FIGN: variants seen among roughly 807,000 people sequenced by gnomAD.
FIGN encodes fidgetin, microtubule severing factor, also known as fidgetin.
In FIGN, 11 loss-of-function variants were observed where a neutral mutation model predicts 51.3. That is an observed-to-expected ratio of 0.21 (90% CI 0.13 to 0.35). The LOEUF is 0.35. Among genes scored for constraint, FIGN ranks in the 10% least tolerant of loss-of-function variants. FIGN has a pLI of 1.00. For synonymous variants in FIGN, 407 were observed against 363.2 expected (o/e 1.12, Z -1.37); for missense variants, 857 against 943.6 (o/e 0.91, Z 1.20).
intron 2 of FIGN, among the ~76,000 whole-genome samples, chr2:163,717,830 G>T (rs762335870): frequency 6.6e-6 from 1 of 152,138 alleles, no homozygotes; most frequent in Non-Finnish European, 1.5e-5. Context: ...TCATTAGAAG[G>T]TTATTCATTT....
intron 2 of FIGN, among the ~76,000 whole-genome samples, chr2:163,625,731 T>G (rs1573911380): frequency 6.6e-6 from 1 of 152,080 alleles, no homozygotes; most frequent in African/African-American, 2.4e-5. Flanking sequence ...ACATTTTTAT[T>G]GTTTTGGAGG....
chr2:163,723,161 A>G (rs1684786420), intron 2 of FIGN, among the ~76,000 whole-genome samples: 2 of 151,976 alleles, frequency 1.3e-5, no homozygotes, highest in Non-Finnish European at 2.9e-5. Context: ...ACTACACTCC[A>G]GCCTGGGTGA....
At chr2:163,632,637 T>G (rs1978908) in intron 2 of FIGN, among the ~76,000 whole-genome samples, 85,522 of 151,508 alleles carry the variant, frequency 0.56, 24,961 homozygotes, top group Middle Eastern at 0.79. Context: ...CCTTGAAAGT[T>G]TGTTCAGAGG....
Position 163,609,432 on chromosome 2 carries a change from T to G in FIGN, c.*120A>C. On this transcript the variant is annotated 3_prime_UTR_variant, in exon 3 of 3. Transcript: ENST00000333129. ...TGACTCTAAAGATGCAACTTAATCG[T>G]CATCTTCCCCAGTACCCTTTGCAAT... The G allele has an allele frequency of 1.2e-6, 1 of 828,002 alleles. No individual in the cohort carries two copies. The highest frequency in any genetic ancestry group is 1.8e-6 in the Non-Finnish European group (1 of 543,418). The allele number at this position is 828,002 out of a possible 1,614,324, so 51.3% of individuals were successfully genotyped here.
chr2:163,610,677 A>G lies in FIGN; in HGVS notation c.1155T>C (p.Ser385=). The change falls in exon 3 of 3, where the codon TCT becomes TCC. Residue 385 remains serine, a synonymous_variant. Coordinates refer to ENST00000333129, the MANE Select transcript of FIGN (RefSeq NM_018086.4). Reference sequence around the variant, plus strand: ...GGCTGCTGAATTTCCTTTGCTGTTCAGAGGACATTAGCTGCTTCGTTGGCT... The same window carrying G: ...GGCTGCTGAATTTCCTTTGCTGTTCGGAGGACATTAGCTGCTTCGTTGGCT... ...AFKPTKQLMS[S]EQQRKFSSQS... is the part of the protein sequence containing the mutation. The G allele has an allele frequency of 6.2e-7, 1 of 1,614,202 alleles. No homozygotes were observed. The highest frequency in any genetic ancestry group is 8.5e-7 in the Non-Finnish European group (1 of 1,180,024).
chr2:163,680,719 C>G (rs1381172783), intron 2 of FIGN, among the ~76,000 whole-genome samples: 1 of 152,068 alleles, frequency 6.6e-6, no homozygotes, highest in East Asian at 1.9e-4. Flanking sequence ...AATCTTCCCC[C>G]TCCCCAGAGC....
At chr2:163,616,673 C>T (rs1454819209) in intron 2 of FIGN, among the ~76,000 whole-genome samples, 2 of 152,094 alleles carry the variant, frequency 1.3e-5, no homozygotes, top group African/African-American at 4.8e-5. Flanking sequence ...TGAGCTATTG[C>T]ACCTCTGAAC....
intron 2 of FIGN, among the ~76,000 whole-genome samples, chr2:163,627,101 T>G (rs1194416098): frequency 6.6e-6 from 1 of 152,174 alleles, no homozygotes; most frequent in East Asian, 1.9e-4. Context: ...TTGAACAGCT[T>G]ATACTCCTGC....
chr2:163,704,656 T>TCTCACA (rs72286438), intron 2 of FIGN, among the ~76,000 whole-genome samples: 3 of 129,710 alleles, frequency 2.3e-5, no homozygotes, highest in African/African-American at 9.5e-5. Context: ...TCTCTCTCTC[T>TCTCACA]CACACACACA....
intron 2 of FIGN, among the ~76,000 whole-genome samples, chr2:163,713,900 G>A (rs1018058855): frequency 6.6e-6 from 1 of 152,188 alleles, no homozygotes; most frequent in Non-Finnish European, 1.5e-5. Flanking sequence ...CTAATTGCAA[G>A]CTGATTAGAT....
intron 2 of FIGN, among the ~76,000 whole-genome samples, chr2:163,719,453 C>G (rs1193705651): frequency 6.6e-6 from 1 of 152,144 alleles, no homozygotes; most frequent in African/African-American, 2.4e-5. Context: ...CACAGCCCAA[C>G]CAACTGACTT....
chr2:163,683,841 C>G (rs1684103097), intron 2 of FIGN, among the ~76,000 whole-genome samples: 1 of 152,126 alleles, frequency 6.6e-6, no homozygotes, highest in Admixed American at 6.6e-5. Flanking sequence ...TTTTAATGAA[C>G]TATCTTCTGA....
At chr2:163,623,645 C>T (rs1375591432) in intron 2 of FIGN, among the ~76,000 whole-genome samples, 1 of 152,078 alleles carries the variant, frequency 6.6e-6, no homozygotes, top group Admixed American at 6.6e-5. Context: ...GAACCAGTAT[C>T]CTTTTAAGCA....
chr2:163,660,481 C>G (rs1683635715), intron 2 of FIGN, among the ~76,000 whole-genome samples: 1 of 151,594 alleles, frequency 6.6e-6, no homozygotes, highest in African/African-American at 2.4e-5. Context: ...ATTAATAATA[C>G]CTGCAACATA....
chr2:163,676,477 A>C (rs1454981952), intron 2 of FIGN, among the ~76,000 whole-genome samples: 16 of 102,286 alleles, frequency 1.6e-4, no homozygotes, highest in South Asian at 9.7e-4. Context: ...ATATATATAT[A>C]TATATAACTA....
At position 163,641,976 on chromosome 2, in the gene FIGN, A is replaced by T. The variant is rs756060847; in HGVS notation, c.26-30170T>A. The stretch of plus-strand genomic sequence containing the variant: ...ATGTTTATGCATTAGGATGTATTTC[A>T]CTAATAAAGAATACTGTCAAACTGT... On this transcript the variant is annotated intron_variant, in intron 2 of 2. Transcript: ENST00000333129. Among the ~76,000 whole-genome samples, 3 of 152,338 alleles carry T rather than the reference A, an allele frequency of 2.0e-5. No individual in the cohort carries two copies. In the Middle Eastern group the frequency reaches 0.01, roughly 518 times the overall value.
chr2:163,629,952 CTTT>C (rs71297448), intron 2 of FIGN, among the ~76,000 whole-genome samples: 39 of 56,912 alleles, frequency 6.9e-4, no homozygotes, highest in Non-Finnish European at 1.1e-3. Context: ...GAAAGGGGCA[CTTT>C]TTTTTTTTTT....
intron 2 of FIGN, among the ~76,000 whole-genome samples, chr2:163,668,469 A>C (rs1683820204): frequency 6.6e-6 from 1 of 152,222 alleles, no homozygotes; most frequent in Non-Finnish European, 1.5e-5. Flanking sequence ...TGCCACATGC[A>C]GGACAGTGAG....
intron 2 of FIGN, among the ~76,000 whole-genome samples, chr2:163,654,524 G>C (rs1683528480): frequency 6.6e-6 from 1 of 151,968 alleles, no homozygotes; most frequent in Non-Finnish European, 1.5e-5. Flanking sequence ...TTTCATTCCT[G>C]GTATTATTAA....
Sources: allele counts gnomAD v4.1 joint callset (sites outside exome capture counted in the v4.1 genomes callset), GRCh38; gene constraint gnomAD v4.1.1; transcripts MANE v1.5; gene names NCBI Gene and HGNC (gene_info 2026-07-23, HGNC 2026-07-21).